The following PCDH15 variants were observed in gnomAD, a reference collection of about 807,000 sequenced individuals.
PCDH15 encodes the protein protocadherin-15.
Under a neutral mutation model 178.5 loss-of-function variants are expected in PCDH15, and 129 were observed. The ratio of observed to expected loss-of-function variants is 0.72; its 90% CI spans 0.63 to 0.84. PCDH15 has a LOEUF of 0.84. Among genes scored for constraint, PCDH15 ranks in the 40% least tolerant of loss-of-function variants. PCDH15 has a pLI of 0.00. For missense variants in PCDH15, 2,230 were observed against 2,099.9 expected, an observed-to-expected ratio of 1.06 and a Z score of -1.21; for synonymous variants, 800 against 732.0, an observed-to-expected ratio of 1.09 and a Z score of -1.50.
chr10:54,925,037 G>T (rs147390360), intron 2 of PCDH15, among the ~76,000 whole-genome samples: 10 of 152,046 alleles, frequency 6.6e-5, no homozygotes, highest in Non-Finnish European at 1.2e-4. Context: ...TGTCCTGCAT[G>T]GTATTGCCAA....
At chr10:55,479,772 CA>C (rs887820216) in intron 2 of PCDH15, among the ~76,000 whole-genome samples, 2 of 150,990 alleles carry the variant, frequency 1.3e-5, no homozygotes, top group Non-Finnish European at 3.0e-5. Flanking sequence ...CAGATTCCAC[CA>C]AAAAAAGGGT....
intron 2 of PCDH15, among the ~76,000 whole-genome samples, chr10:55,001,775 C>A (rs551659715): frequency 1.3e-5 from 2 of 152,188 alleles, no homozygotes; most frequent in African/African-American, 4.8e-5. Context: ...CCCAGTGAGC[C>A]CAAGCAAAAC....
At chr10:53,933,381 T>A (rs1297653572) in intron 25 of PCDH15, among the ~76,000 whole-genome samples, 1 of 150,164 alleles carries the variant, frequency 6.7e-6, no homozygotes, top group East Asian at 2.0e-4. Context: ...TGTCCATGTG[T>A]TCTCATTGTT....
chr10:54,417,206 G>A (rs1374701790), intron 3 of PCDH15, among the ~76,000 whole-genome samples: 1 of 152,046 alleles, frequency 6.6e-6, no homozygotes, highest in East Asian at 1.9e-4. Context: ...ATTTTTTAGT[G>A]TTATTCGCCA....
intron 2 of PCDH15, among the ~76,000 whole-genome samples, chr10:54,628,119 T>A (rs764179334): frequency 9.9e-5 from 15 of 152,188 alleles, no homozygotes; most frequent in Non-Finnish European, 2.1e-4. Context: ...TTATTTAAAC[T>A]GTATTTTCAT....
At chr10:55,496,226 T>A (rs913407043) in intron 2 of PCDH15, among the ~76,000 whole-genome samples, 4 of 151,478 alleles carry the variant, frequency 2.6e-5, no homozygotes, top group Non-Finnish European at 4.4e-5. Flanking sequence ...TCAGCAGAAA[T>A]CCCATCAACC....
chr10:54,038,425 A>G (rs1565092638), intron 18 of PCDH15, among the ~76,000 whole-genome samples: 1 of 151,890 alleles, frequency 6.6e-6, no homozygotes, highest in East Asian at 1.9e-4. Context: ...AAAGGACAAG[A>G]CCAGAATTGG....
intron 14 of PCDH15, among the ~76,000 whole-genome samples, chr10:54,148,586 AG>A (rs1018347702): frequency 6.6e-6 from 1 of 151,954 alleles, no homozygotes. Context: ...GTGGATATGG[AG>A]GGCCAAGTGT....
intron 2 of PCDH15, among the ~76,000 whole-genome samples, chr10:55,022,180 C>T (rs1406720086): frequency 6.6e-6 from 1 of 151,878 alleles, no homozygotes; most frequent in Non-Finnish European, 1.5e-5. Context: ...AGGCCGGGCT[C>T]GGTGGCTCAT....
At chr10:54,640,312 T>C (rs1361839126) in intron 2 of PCDH15, among the ~76,000 whole-genome samples, 1 of 151,544 alleles carries the variant, frequency 6.6e-6, no homozygotes, top group Non-Finnish European at 1.5e-5. Context: ...TTTTAGAAAA[T>C]CAGGGCAAAA....
At chr10:53,891,090 AT>A (rs11437258) in intron 26 of PCDH15, among the ~76,000 whole-genome samples, 3 of 152,000 alleles carry the variant, frequency 2.0e-5, no homozygotes, top group Non-Finnish European at 1.5e-5. Flanking sequence ...CATTTTCCTC[AT>A]TTTTTCCCCT....
chr10:54,302,880 G>A (rs1476392145), intron 8 of PCDH15, among the ~76,000 whole-genome samples: 1 of 152,064 alleles, frequency 6.6e-6, no homozygotes, highest in Non-Finnish European at 1.5e-5. Flanking sequence ...TTATCATGAT[G>A]TGACTATTAG....
intron 1 of PCDH15, among the ~76,000 whole-genome samples, chr10:55,302,098 T>C (rs1356956546): frequency 6.6e-6 from 1 of 152,166 alleles, no homozygotes; most frequent in Admixed American, 6.5e-5. Flanking sequence ...TAGAATATTA[T>C]TGTCTAAAAT....
chr10:55,542,150 A>G (rs1215698908), intron 2 of PCDH15, among the ~76,000 whole-genome samples: 1 of 151,538 alleles, frequency 6.6e-6, no homozygotes. Flanking sequence ...ATATGTCTAT[A>G]TATGTCTATA....
At chr10:55,061,281 T>G (rs955613122) in intron 2 of PCDH15, among the ~76,000 whole-genome samples, 1 of 152,134 alleles carries the variant, frequency 6.6e-6, no homozygotes, top group African/African-American at 2.4e-5. Flanking sequence ...GGAAGATACA[T>G]AGTTGTCAAA....
chr10:55,101,784 A>G (rs573887303), intron 2 of PCDH15, among the ~76,000 whole-genome samples: 7 of 151,724 alleles, frequency 4.6e-5, no homozygotes, highest in African/African-American at 1.7e-4. Context: ...CTTAATTTTC[A>G]GTTTCTTCCA....
chr10:54,640,149 A>G (rs761763921), intron 2 of PCDH15, among the ~76,000 whole-genome samples: 18 of 152,140 alleles, frequency 1.2e-4, no homozygotes, highest in Non-Finnish European at 1.9e-4. Context: ...GAGAAAAATA[A>G]TTTATAGTTA....
At chr10:55,472,549 G>GAGAAAAA (rs1839982216) in intron 2 of PCDH15, among the ~76,000 whole-genome samples, 1 of 148,160 alleles carries the variant, frequency 6.7e-6, no homozygotes. Context: ...ATTTGAAAAG[G>GAGAAAAA]AGAAAAAACA....
chr10:54,843,720 G>A (rs1953457516), intron 3 of PCDH15, among the ~76,000 whole-genome samples: 1 of 151,984 alleles, frequency 6.6e-6, no homozygotes, highest in Non-Finnish European at 1.5e-5. Context: ...AGTCAAAAGA[G>A]TTTGCTTCAA....
Sources: allele counts gnomAD v4.1 joint callset (sites outside exome capture counted in the v4.1 genomes callset), GRCh38; gene constraint gnomAD v4.1.1; transcripts MANE v1.5; gene names NCBI Gene and HGNC (gene_info 2026-07-23, HGNC 2026-07-21).